The following PWP1 variants were observed in gnomAD, a reference collection of about 807,000 sequenced individuals.
PWP1 encodes the protein periodic tryptophan protein 1 homolog.
PWP1 carries 47 observed loss-of-function variants against 69.9 expected under a neutral mutation model. That is an observed-to-expected ratio of 0.67 (90% CI 0.53 to 0.86). The LOEUF is 0.86. Among genes scored for constraint, PWP1 ranks in the 40% least tolerant of loss-of-function variants. PWP1 has a pLI of 0.00. For missense variants in PWP1, 551 were observed against 608.8 expected (o/e 0.91, Z 1.00); for synonymous variants, 222 against 208.2 (o/e 1.07, Z -0.57).
intron 10 of PWP1, 56 bp from the exon 11 acceptor site, chr12:107,704,579 TA>T: frequency 8.5e-7 from 1 of 1,173,368 alleles, no homozygotes; most frequent in Non-Finnish European, 1.3e-6. Flanking sequence ...TCATTATAAA[TA>T]AAACATATAG....
chr12:107,709,653 T>C (rs1372575783), intron 13 of PWP1, among the ~76,000 whole-genome samples: 2 of 152,022 alleles, frequency 1.3e-5, no homozygotes, highest in African/African-American at 4.8e-5. Context: ...CAAATTACTA[T>C]ATAGTAGGAA....
Position 107,688,522 on chromosome 12 carries a change from G to C in PWP1, c.131+16G>C. ...AGAAATTGCAGTAAGTTTAGGACCA[G>C]ATGAAATCTATATCTTAAATGATGA... On this transcript the variant is annotated intron_variant, in intron 2 of 14. Transcript: ENST00000412830. 1 of 1,613,206 alleles carries C rather than the reference G, an allele frequency of 6.2e-7. No homozygotes were observed. Among genetic ancestry groups the C allele is most frequent in the South Asian group, 1.1e-5 (1 of 90,820 alleles).
rs967785787 is a variant in PWP1 at position 107,697,606 on chromosome 12, G to C, written c.744+9G>C. ...AAAAGAAAGGAAAGAAGGTAAAGAA[G>C]TTAATAAATATTTAAACTCTAATGA... is the stretch of plus-strand genomic sequence containing the variant. On this transcript the variant is annotated intron_variant, in intron 7 of 14. Coordinates refer to ENST00000412830, the MANE Select transcript of PWP1 (RefSeq NM_007062.3). 2 of 1,597,420 alleles carry C rather than the reference G, an allele frequency of 1.3e-6. No individual in the cohort carries two copies. The highest frequency in any genetic ancestry group is 1.7e-6 in the Non-Finnish European group (2 of 1,172,826).
intron 8 of PWP1, 136 bp from the exon 9 acceptor site, chr12:107,702,799 A>G: frequency 1.6e-6 from 1 of 636,152 alleles, no homozygotes; most frequent in Non-Finnish European, 2.8e-6. Context: ...TCATTATGTA[A>G]GTCTTACATT....
chr12:107,686,036 T>G (rs1291415116), intron 1 of PWP1, 65 bp downstream of exon 1: 2 of 1,552,978 alleles, frequency 1.3e-6, no homozygotes, highest in Non-Finnish European at 1.8e-6. Context: ...TCCGCCCAGC[T>G]GGGGGAACGT....
rs368685405 is a variant in PWP1 at position 107,711,655 on chromosome 12, AATAT to A, written c.1397-449_1397-446del. Among the ~76,000 whole-genome samples the A allele has an allele frequency of 1.5e-3, 231 of 152,218 alleles. 2 individuals carry two copies. The highest frequency in any genetic ancestry group is 6.7e-3 in the Admixed American group (103 of 15,282). The stretch of plus-strand genomic sequence containing the variant: ...TGGTGCGTTCTACAAACACAGAGAT[AATAT>A]ATATATCTCCCCACTGTATGATTCC... On this transcript the variant is annotated intron_variant, in intron 14 of 14. Coordinates refer to ENST00000412830, the MANE Select transcript of PWP1 (RefSeq NM_007062.3).
chr12:107,711,143 C>CA (rs1419410185), intron 14 of PWP1, among the ~76,000 whole-genome samples: 1 of 152,156 alleles, frequency 6.6e-6, no homozygotes, highest in Admixed American at 6.5e-5. Flanking sequence ...TTATGGGAAA[C>CA]GAGGGATAGG....
chr12:107,686,179 C>T (rs1353841567), intron 1 of PWP1: 5 of 606,602 alleles, frequency 8.2e-6, no homozygotes, highest in Admixed American at 2.9e-5. Context: ...GCCGCGCCTT[C>T]TCACTGTTCC....
chr12:107,693,179 GCCAGATCCTATTGT>G (rs1889520084), intron 5 of PWP1, 83 bp downstream of exon 5: 4 of 1,497,976 alleles, frequency 2.7e-6, no homozygotes, highest in Non-Finnish European at 3.5e-6. Flanking sequence ...ATTTTTAGGT[GCCAGATCCTATTGT>G]ATCTCATTTA....
intron 6 of PWP1, 66 bp from the exon 7 acceptor site, chr12:107,697,401 G>A (rs1007867286): frequency 6.8e-7 from 1 of 1,470,542 alleles, no homozygotes; most frequent in Middle Eastern, 1.9e-4. Context: ...ACAGTATAAT[G>A]TATTTGATTA....
Position 107,685,833 on chromosome 12 carries a change from C to G in PWP1, c.-67C>G, listed in dbSNP as rs1053861224. On this transcript the variant is annotated 5_prime_UTR_variant, in exon 1 of 15. Transcript: ENST00000412830. ...GTGCAGATCCCTGAGCGTGTGGCAG[C>G]AGTGCGGTCGTGGTCCCTCCCTATG... 14 of 1,534,918 alleles carry G rather than the reference C, an allele frequency of 9.1e-6. No homozygotes were observed. The East Asian group carries it at 3.2e-4, about 35-fold the overall frequency.
In PWP1 at chr12:107,710,463, G is replaced by A; in HGVS notation, c.1349G>A (p.Gly450Asp). The A allele has an allele frequency of 6.2e-7, 1 of 1,600,196 alleles. No individual in the cohort carries two copies. Among genetic ancestry groups the A allele is most frequent in the Non-Finnish European group, 8.5e-7 (1 of 1,171,260 alleles). ...TTGCCATTTATTTATGCCTTTGGAG[G>A]TCAAAAAGAAGGGCTTCGGGTCTGG... ...PDLPFIYAFG[G>D]QKEGLRVWDI... The change falls in exon 14 of 15, where the codon GGT (glycine) becomes GAT (aspartate). Residue 450 changes from glycine to aspartate, a missense_variant. Physicochemically the swap from Gly to Asp is moderately conservative, Grantham distance 94. Transcript: ENST00000412830.
chr12:107,703,952 C>T (rs757551840), intron 10 of PWP1, among the ~76,000 whole-genome samples: 1 of 152,208 alleles, frequency 6.6e-6, no homozygotes, highest in Non-Finnish European at 1.5e-5. Flanking sequence ...ACTGTAGGAA[C>T]TAGCAACTTC....
chr12:107,703,316 A>C (rs371625529), intron 9 of PWP1, among the ~76,000 whole-genome samples: 1 of 152,188 alleles, frequency 6.6e-6, no homozygotes, highest in South Asian at 2.1e-4. Flanking sequence ...GTCAGTCACA[A>C]TGGTAACACC....
chr12:107,701,600 T>A (rs1017091127), intron 8 of PWP1, among the ~76,000 whole-genome samples: 1 of 151,864 alleles, frequency 6.6e-6, no homozygotes, highest in East Asian at 1.9e-4. Context: ...CCATTTTGAG[T>A]TTTTTTTGTG....
Position 107,712,331 on chromosome 12 carries a change from T to TCTGA in PWP1, c.*117_*120dup, listed in dbSNP as rs149974974. 8.0e-6 allele frequency: 6 copies of TCTGA among 748,734 alleles called. No individual in the cohort carries two copies. In the East Asian group the frequency reaches 1.6e-4, roughly 20 times the overall value. 46.4% of individuals were successfully genotyped at this position (748,734 alleles called of 1,614,324 possible). A position where few individuals can be genotyped will look rare whatever the true frequency, so the allele number is the denominator to read the frequency against. ...CAGAGTGACTGAAACACAATTCATT[T>TCTGA]CTGACTGACATTCCTTTCTGCAACT... is the stretch of plus-strand genomic sequence containing the variant. On this transcript the variant is annotated 3_prime_UTR_variant, in exon 15 of 15. Coordinates refer to ENST00000412830, the MANE Select transcript of PWP1 (RefSeq NM_007062.3).
chr12:107,690,022 G>C (rs1020443983), intron 3 of PWP1, among the ~76,000 whole-genome samples: 2 of 152,206 alleles, frequency 1.3e-5, no homozygotes, highest in Admixed American at 1.3e-4. Flanking sequence ...GGTTAAGTAA[G>C]TTATTTACTT....
chr12:107,704,813 G>A, intron 11 of PWP1, 66 bp downstream of exon 11: 1 of 1,284,868 alleles, frequency 7.8e-7, no homozygotes, highest in Non-Finnish European at 1.1e-6. Context: ...TTCCATAGTA[G>A]AGAGAATTAT....
In PWP1 at chr12:107,702,961, A is replaced by C. The variant is rs760517195; in HGVS notation, c.833A>C (p.Asp278Ala). The stretch of plus-strand genomic sequence containing the variant: ...AATGTTTTAGCAAGTGCATCAGCTG[A>C]CAACACTGTAATTCTGTGGGATATG... ...IRNVLASASA[D>A]NTVILWDMSL... Residue 278 changes from aspartate to alanine, a missense_variant, in exon 9 of 15, where the codon GAC becomes GCC. By Grantham distance (126) the Asp-to-Ala change is moderately radical. Transcript: ENST00000412830. 2.7e-5 allele frequency: 43 copies of C among 1,611,008 alleles called. No homozygotes were observed. The highest frequency in any genetic ancestry group is 3.7e-5 in the Non-Finnish European group (43 of 1,177,320).
Sources: gnomAD v4.1 joint callset for allele counts (sites outside exome capture counted in the v4.1 genomes callset) on GRCh38, gnomAD v4.1.1 for gene constraint, MANE v1.5 for transcripts, NCBI Gene and HGNC (gene_info 2026-07-23, HGNC 2026-07-21) for gene names.